Variants in MPRIP observed in about 807,000 individuals in gnomAD.
MPRIP encodes the protein myosin phosphatase Rho-interacting protein.
Under a neutral mutation model 234.9 loss-of-function variants are expected in MPRIP, and 59 were observed. The ratio of observed to expected loss-of-function variants is 0.25; its 90% CI spans 0.20 to 0.31. The LOEUF (loss-of-function observed/expected upper bound fraction) is 0.31. Among genes scored for constraint, MPRIP ranks in the 10% least tolerant of loss-of-function variants. MPRIP has a pLI of 1.00. For synonymous variants in MPRIP, 1,144 were observed against 1,263.9 expected (o/e 0.91, Z 2.01); for missense variants, 2,436 against 3,071.0 (o/e 0.79, Z 4.89).
At chr17:17,136,123 C>T (rs942188418) in intron 5 of MPRIP, 96 bp from the exon 6 acceptor site, 9 of 1,306,928 alleles carry the variant, frequency 6.9e-6, no homozygotes, top group Non-Finnish European at 9.8e-6. Context: ...GTGTAGCTGG[C>T]CCGGGTGCCC....
chr17:17,157,888 C>T (rs2045764988), intron 13 of MPRIP, among the ~76,000 whole-genome samples: 1 of 152,126 alleles, frequency 6.6e-6, no homozygotes, highest in Non-Finnish European at 1.5e-5. Context: ...AAAGGTAAGC[C>T]CTTCTAGAAA....
intron 12 of MPRIP, among the ~76,000 whole-genome samples, chr17:17,153,933 C>G (rs1027669610): frequency 6.6e-6 from 1 of 152,156 alleles, no homozygotes; most frequent in African/African-American, 2.4e-5. Context: ...TCCACCACTG[C>G]TCAGCACATG....
chr17:17,072,809 G>A (rs2089229320), intron 1 of MPRIP, among the ~76,000 whole-genome samples: 1 of 152,088 alleles, frequency 6.6e-6, no homozygotes, highest in Non-Finnish European at 1.5e-5. Flanking sequence ...GCCCCATGGC[G>A]CCATCATTCC....
chr17:17,077,127 A>T (rs1286950486), intron 2 of MPRIP: 2 of 151,812 alleles, frequency 1.3e-5, no homozygotes, highest in African/African-American at 2.4e-5. Flanking sequence ...TTTTTTGTAG[A>T]GACGGGGTTT....
intron 4 of MPRIP, among the ~76,000 whole-genome samples, chr17:17,128,196 C>T (rs1466749233): frequency 1.3e-5 from 2 of 152,142 alleles, no homozygotes; most frequent in African/African-American, 4.8e-5. Context: ...GCCGAGGCTT[C>T]CTCTGCCCAG....
intron 1 of MPRIP, among the ~76,000 whole-genome samples, chr17:17,053,666 A>G (rs2088608924): frequency 6.6e-6 from 1 of 152,206 alleles, no homozygotes; most frequent in Non-Finnish European, 1.5e-5. Context: ...CAGAGAAAAC[A>G]GCCCAGGGAG....
At chr17:17,090,620 G>A (rs2089692972) in intron 3 of MPRIP, among the ~76,000 whole-genome samples, 1 of 152,214 alleles carries the variant, frequency 6.6e-6, no homozygotes, top group African/African-American at 2.4e-5. Flanking sequence ...ACTGAGTACA[G>A]TTTTTGGAAC....
chr17:17,090,309 C>A (rs2089685316), intron 3 of MPRIP, among the ~76,000 whole-genome samples: 1 of 152,254 alleles, frequency 6.6e-6, no homozygotes, highest in Non-Finnish European at 1.5e-5. Flanking sequence ...GCAGAAGGGT[C>A]TTACGGCCCC....
At chr17:17,089,494 G>GT (rs112288644) in intron 3 of MPRIP, among the ~76,000 whole-genome samples, 40 of 151,458 alleles carry the variant, frequency 2.6e-4, no homozygotes, top group African/African-American at 6.8e-4. Flanking sequence ...TAGAGATTGG[G>GT]TTTTTTTTTG....
chr17:17,116,349 T>C (rs1342170793), intron 3 of MPRIP, among the ~76,000 whole-genome samples: 1 of 152,178 alleles, frequency 6.6e-6, no homozygotes, highest in African/African-American at 2.4e-5. Flanking sequence ...AGGAGGCTGC[T>C]CTGTGCAGCG....
intron 19 of MPRIP, 62 bp downstream of exon 19, chr17:17,174,137 T>C: frequency 3.8e-6 from 6 of 1,574,250 alleles, no homozygotes; most frequent in Non-Finnish European, 4.3e-6. Context: ...GGTAGACCCA[T>C]AGTCAGGTGA....
chr17:17,165,517 A>T lies in MPRIP; in HGVS notation c.3926A>T (p.Lys1309Ile), dbSNP rs1049197226. 6.9e-6 allele frequency: 9 copies of T among 1,304,310 alleles called. No homozygotes were observed. The African/African-American group carries it at 1.2e-4, about 18-fold the overall frequency. 80.8% of individuals were successfully genotyped at this position (1,304,310 alleles called of 1,614,324 possible). Residue 1309 changes from lysine to isoleucine, a missense_variant, in exon 16 of 24, where the codon AAA (lysine) becomes ATA (isoleucine). Coordinates refer to ENST00000651222, the MANE Select transcript of MPRIP (RefSeq NM_001364716.4). ...GAGGGCCATCAGCAGGGCACAGCCA[A>T]ACTCGACCAAGGGGCACCTGGTGTT... ...DREGHQQGTA[K>I]LDQGAPGVKR...
chr17:17,172,240 G>A (rs888878313), intron 17 of MPRIP, among the ~76,000 whole-genome samples: 4 of 152,274 alleles, frequency 2.6e-5, no homozygotes, highest in Admixed American at 6.5e-5. Context: ...CCTGCCGTCA[G>A]CGTGAAGATA....
In MPRIP at chr17:17,175,417, C is replaced by T. The variant is rs1375431100; in HGVS notation, c.6870+5C>T. ...AAGGATGCCTATGAACTAGAGGTAC[C>T]ATCAGGAGCCAGGCCCTGCCTGACT... On this transcript the variant is annotated splice_donor_5th_base_variant and intron_variant, in intron 20 of 23. Transcript: ENST00000651222. The T allele has an allele frequency of 1.2e-6, 2 of 1,601,838 alleles. No individual in the cohort carries two copies. Among genetic ancestry groups the T allele is most frequent in the Non-Finnish European group, 1.7e-6 (2 of 1,174,178 alleles).
In MPRIP at chr17:17,137,931, G is replaced by A; in HGVS notation, c.752G>A (p.Ser251Asn). ...LESKEEESAM[S>N]SDRMDCGRKV... The stretch of plus-strand genomic sequence containing the variant: ...TCTCTTCCAGAGGAGAGCGCCATGA[G>A]TAGCGACCGCATGGACTGTGGCCGC... The change falls in exon 7 of 24, where the codon AGT becomes AAT. Residue 251 changes from serine to asparagine, a missense_variant. Ser to Asn is a conservative substitution (Grantham distance 46). This residue lies in a region of MPRIP where 267 missense variants were observed against 252.7 expected (regional missense o/e 1.06). Coordinates refer to ENST00000651222, the MANE Select transcript of MPRIP (RefSeq NM_001364716.4). 6.2e-7 allele frequency: 1 copy of A among 1,607,830 alleles called. No individual in the cohort carries two copies.
Position 17,165,809 on chromosome 17 carries a change from C to G in MPRIP, c.4218C>G (p.Ser1406Arg). 7.7e-7 allele frequency: 1 copy of G among 1,304,314 alleles called. No individual in the cohort carries two copies. The highest frequency in any genetic ancestry group is 1.0e-6 in the Non-Finnish European group (1 of 988,926). 80.8% of individuals were successfully genotyped at this position (1,304,314 alleles called of 1,614,324 possible). The change falls in exon 16 of 24, where the codon AGC becomes AGG. Residue 1406 changes from serine to arginine, a missense_variant. Ser to Arg is a moderately radical substitution (Grantham distance 110). Around this residue, in one of 4 missense-constraint regions of MPRIP, gnomAD observed 1,998 missense variants for 2,520.3 expected, o/e 0.79. Transcript: ENST00000651222. ...KLKDVTVRLE[S>R]QQGQSREALL... is the part of the protein sequence containing the mutation. The stretch of plus-strand genomic sequence containing the variant: ...AAGACGTGACCGTGAGGCTGGAGAG[C>G]CAGCAGGGTCAGAGCCGTGAGGCAC...
intron 20 of MPRIP, among the ~76,000 whole-genome samples, chr17:17,176,104 G>C (rs2046247958): frequency 6.6e-6 from 1 of 152,230 alleles, no homozygotes; most frequent in Non-Finnish European, 1.5e-5. Context: ...GAGTGAGTCT[G>C]ACACAAGTGT....
At chr17:17,168,553 C>G (rs948949200) in intron 16 of MPRIP, 1 of 336,356 alleles carries the variant, frequency 3.0e-6, no homozygotes, top group Non-Finnish European at 5.8e-6. Flanking sequence ...GTCCTGCATC[C>G]CCGCCCCTGA....
chr17:17,098,834 G>A (rs1009708485), intron 3 of MPRIP, among the ~76,000 whole-genome samples: 2 of 152,116 alleles, frequency 1.3e-5, no homozygotes, highest in African/African-American at 4.8e-5. Flanking sequence ...TTGGGACAGA[G>A]CCTCAGACCC....
Sources: gnomAD v4.1 joint callset for allele counts (sites outside exome capture counted in the v4.1 genomes callset) on GRCh38, gnomAD v4.1.1 for gene constraint, gnomAD v4.1.1 regional missense constraint, MANE v1.5 for transcripts, NCBI Gene and HGNC (gene_info 2026-07-23, HGNC 2026-07-21) for gene names.